The following TENM1 variants were observed in gnomAD, a reference collection of about 807,000 sequenced individuals.
TENM1 encodes teneurin-1.
A neutral mutation model predicts 174.8 loss-of-function variants in TENM1; 35 were observed. The ratio of observed to expected loss-of-function variants is 0.20; its 90% CI spans 0.15 to 0.27. TENM1 has a LOEUF of 0.27. Ranked by LOEUF, TENM1 falls within the 10% of genes least tolerant of loss-of-function variation. The pLI is 1.00. For missense variants in TENM1, 1,633 were observed against 2,130.1 expected (o/e 0.77, Z 4.59); for synonymous variants, 781 against 798.7 (o/e 0.98, Z 0.37).
the TENM1 span, among the ~76,000 whole-genome samples, chrX:125,080,028 T>A: frequency 1.8e-5 from 2 of 109,849 alleles, no homozygotes; most frequent in Non-Finnish European, 3.8e-5. Context: ...GCAGCTCTGA[T>A]ATGTTTTCTA....
At chrX:124,906,512 T>C (rs1360226923) in intron 1 of TENM1, among the ~76,000 whole-genome samples, 1 of 111,809 alleles carries the variant, frequency 8.9e-6, no homozygotes, top group Non-Finnish European at 1.9e-5. Context: ...GATATCTTCA[T>C]GTCTTATAAA....
chrX:125,166,216 G>C, the TENM1 span, among the ~76,000 whole-genome samples: 12 of 111,393 alleles, frequency 1.1e-4, no homozygotes, highest in Non-Finnish European at 1.9e-4. Flanking sequence ...ACTAGAAAAT[G>C]ATCATTTACA....
intron 23 of TENM1, among the ~76,000 whole-genome samples, chrX:124,437,216 T>C (rs2060852683): frequency 9.6e-6 from 1 of 104,442 alleles, no homozygotes. Flanking sequence ...CCTCCCAAAG[T>C]GCTGGGATTA....
chrX:124,902,478 T>A (rs774486706), intron 1 of TENM1, among the ~76,000 whole-genome samples: 1 of 112,299 alleles, frequency 8.9e-6, no homozygotes, highest in Non-Finnish European at 1.9e-5. Flanking sequence ...ACATAATGAA[T>A]AAAATTCACA....
chrX:124,930,417 C>T (rs1028467232), intron 1 of TENM1, among the ~76,000 whole-genome samples: 54 of 111,964 alleles, frequency 4.8e-4, no homozygotes, highest in African/African-American at 1.7e-3. Flanking sequence ...CTTAAGCTCA[C>T]ACCATTCACT....
intron 24 of TENM1, among the ~76,000 whole-genome samples, chrX:124,421,291 A>C (rs1323538590): frequency 1.8e-5 from 2 of 112,390 alleles, no homozygotes; most frequent in Non-Finnish European, 3.7e-5. Context: ...AATGATTCAG[A>C]ACATCAAATT....
At chrX:124,547,983 C>T (rs2048471142) in intron 14 of TENM1, among the ~76,000 whole-genome samples, 2 of 111,532 alleles carry the variant, frequency 1.8e-5, no homozygotes, top group Admixed American at 9.5e-5. Flanking sequence ...ACCACAGGCG[C>T]CCGCCAACAC....
chrX:124,910,566 T>C (rs1377944705), intron 1 of TENM1, among the ~76,000 whole-genome samples: 7 of 111,971 alleles, frequency 6.3e-5, no homozygotes, highest in Non-Finnish European at 1.3e-4. Context: ...GATTTGATAG[T>C]ATATTGACAA....
At chrX:124,520,150 A>T (rs1172190198) in intron 18 of TENM1, among the ~76,000 whole-genome samples, 1 of 112,078 alleles carries the variant, frequency 8.9e-6, no homozygotes, top group African/African-American at 3.2e-5. Flanking sequence ...ATAAGTTAGA[A>T]TTTTGTAGTC....
chrX:124,737,146 G>A lies in TENM1; in HGVS notation c.587C>T (p.Pro196Leu), dbSNP rs2053693596. ...GGTGCAGGCATGAGGAGGCGGAGGT[G>A]GCGGTGGGAGGGGTCTGAAGGTGAA... The change falls in exon 4 of 32, where the codon CCA becomes CTA. Residue 196 changes from proline to leucine, a missense_variant. Transcript: ENST00000422452. The A allele has an allele frequency of 8.3e-7, 1 of 1,209,764 alleles. No homozygotes were observed. Among genetic ancestry groups the A allele is most frequent in the Non-Finnish European group, 1.1e-6 (1 of 894,752 alleles).
chrX:124,912,462 G>T (rs371715046), intron 1 of TENM1, among the ~76,000 whole-genome samples: 1 of 111,005 alleles, frequency 9.0e-6, no homozygotes, highest in South Asian at 3.9e-4. Flanking sequence ...AAGAGGGATG[G>T]AGAAAGGGTT....
At chrX:124,928,887 AT>A (rs1188642926) in intron 1 of TENM1, among the ~76,000 whole-genome samples, 1 of 111,453 alleles carries the variant, frequency 9.0e-6, no homozygotes, top group Admixed American at 9.5e-5. Context: ...CCATTTCTTA[AT>A]GTATTGTATT....
chrX:124,942,715 T>C (rs1396521829), intron 1 of TENM1, among the ~76,000 whole-genome samples: 1 of 111,786 alleles, frequency 8.9e-6, no homozygotes, highest in African/African-American at 3.2e-5. Context: ...CTGAACCATG[T>C]CTTCATGTAT....
chrX:124,875,576 T>C (rs1296917120), intron 3 of TENM1, among the ~76,000 whole-genome samples: 1 of 110,620 alleles, frequency 9.0e-6, no homozygotes, highest in Non-Finnish European at 1.9e-5. Flanking sequence ...TTCTTGTCTC[T>C]AATAGAAATC....
chrX:124,739,111 A>T lies in TENM1; in HGVS notation c.536-1914T>A, dbSNP rs2053744152. 3.6e-5 allele frequency among the ~76,000 whole-genome samples: 4 copies of T among 112,000 alleles called. No individual in the cohort carries two copies. The South Asian group carries it at 1.5e-3, about 42-fold the overall frequency. On this transcript the variant is annotated intron_variant, in intron 3 of 31. Transcript: ENST00000422452. ...AATGGTATGCAACACAGCACAGTGG[A>T]AAGAGGAGAGGACTTGGACTGGGAT...
chrX:124,622,852 A>AT (rs765494395), intron 11 of TENM1, among the ~76,000 whole-genome samples: 129 of 111,186 alleles, frequency 1.2e-3, no homozygotes, highest in African/African-American at 4.1e-3. Context: ...AAAATTTTAC[A>AT]TTTTTTCCCA....
At chrX:124,969,342 C>T in the TENM1 span, among the ~76,000 whole-genome samples, 166 of 112,042 alleles carry the variant, frequency 1.5e-3, 1 homozygote, top group African/African-American at 5.1e-3. Context: ...GCTTTAAACT[C>T]TCTACTTGCT....
chrX:124,548,736 CTCTT>C (rs1166701830), intron 14 of TENM1, among the ~76,000 whole-genome samples: 1 of 111,397 alleles, frequency 9.0e-6, no homozygotes, highest in Non-Finnish European at 1.9e-5. Flanking sequence ...TTTCCTGCAG[CTCTT>C]TTGCTTGCTC....
the TENM1 span, among the ~76,000 whole-genome samples, chrX:125,024,797 G>C: frequency 1.8e-5 from 2 of 111,863 alleles, no homozygotes; most frequent in East Asian, 5.6e-4. Context: ...CAGTTAGTTA[G>C]CTTTATTATT....
Sources: gnomAD v4.1 joint callset for allele counts (sites outside exome capture counted in the v4.1 genomes callset) on GRCh38, gnomAD v4.1.1 for gene constraint, MANE v1.5 for transcripts, NCBI Gene and HGNC (gene_info 2026-07-23, HGNC 2026-07-21) for gene names.